ARB2A: variants seen among roughly 807,000 people sequenced by gnomAD.
The protein encoded by ARB2A is ARB2 cotranscriptional regulator A.
chr5:93,906,290 T>A, the ARB2A span, among the ~76,000 whole-genome samples: 1 of 151,676 alleles, frequency 6.6e-6, no homozygotes, highest in South Asian at 2.1e-4. Flanking sequence ...AGTGATTTTT[T>A]TTTAATTGCC....
At chr5:93,751,796 G>A in the ARB2A span, among the ~76,000 whole-genome samples, 1 of 152,172 alleles carries the variant, frequency 6.6e-6, no homozygotes, top group Non-Finnish European at 1.5e-5. Context: ...TTTATTACTG[G>A]TGACTTGCTG....
At chr5:93,737,541 T>C in the ARB2A span, 4 of 156,728 alleles carry the variant, frequency 2.6e-5, no homozygotes, top group African/African-American at 9.6e-5. Flanking sequence ...TATATATATA[T>C]ATGGAAGAAC....
At chr5:93,876,636 T>G in the ARB2A span, among the ~76,000 whole-genome samples, 1 of 151,806 alleles carries the variant, frequency 6.6e-6, no homozygotes, top group African/African-American at 2.4e-5. Context: ...GAAAGGAGAC[T>G]GGCTATTTAC....
the ARB2A span, among the ~76,000 whole-genome samples, chr5:93,926,734 TA>T: frequency 1.3e-5 from 2 of 152,156 alleles, no homozygotes; most frequent in South Asian, 4.1e-4. Context: ...ATGAGGACGT[TA>T]ATACCATGTG....
the ARB2A span, among the ~76,000 whole-genome samples, chr5:94,082,732 C>A: frequency 6.6e-6 from 1 of 151,430 alleles, no homozygotes; most frequent in Non-Finnish European, 1.5e-5. Flanking sequence ...TTTCCCAATT[C>A]TTTATGAAGT....
the ARB2A span, chr5:93,620,832 A>T: frequency 1.0e-6 from 1 of 985,188 alleles, no homozygotes; most frequent in Non-Finnish European, 1.4e-6. Context: ...CTCATCTAGA[A>T]ATAATGCAAA....
the ARB2A span, among the ~76,000 whole-genome samples, chr5:94,042,250 C>T: frequency 6.7e-6 from 1 of 148,760 alleles, no homozygotes; most frequent in Non-Finnish European, 1.5e-5. Context: ...GTAAACTGAA[C>T]ATTAGAATAA....
the ARB2A span, among the ~76,000 whole-genome samples, chr5:93,769,515 T>C: frequency 2.0e-5 from 3 of 152,180 alleles, no homozygotes; most frequent in Non-Finnish European, 4.4e-5. Flanking sequence ...ACATTTTTTA[T>C]GGACTCTGAG....
chr5:93,659,818 C>G, the ARB2A span, among the ~76,000 whole-genome samples: 3 of 152,136 alleles, frequency 2.0e-5, no homozygotes, highest in Non-Finnish European at 4.4e-5. Flanking sequence ...ATAAACACGT[C>G]TATCCACTCA....
chr5:94,065,273 G>C, the ARB2A span, among the ~76,000 whole-genome samples: 246 of 152,266 alleles, frequency 1.6e-3, no homozygotes, highest in African/African-American at 5.2e-3. Flanking sequence ...CAGCACTTTG[G>C]GGGGCTGAGG....
At chr5:93,634,742 T>A in the ARB2A span, among the ~76,000 whole-genome samples, 2 of 152,172 alleles carry the variant, frequency 1.3e-5, no homozygotes, top group Non-Finnish European at 2.9e-5. Context: ...TGGAAATATA[T>A]CAAATATAAA....
the ARB2A span, among the ~76,000 whole-genome samples, chr5:93,874,251 CAT>C: frequency 1.3e-5 from 2 of 152,136 alleles, no homozygotes. Flanking sequence ...GCTCATGAGT[CAT>C]AGAGTGTCTT....
chr5:93,916,918 T>C, the ARB2A span, among the ~76,000 whole-genome samples: 1 of 152,034 alleles, frequency 6.6e-6, no homozygotes, highest in South Asian at 2.1e-4. Flanking sequence ...AAGAAAAGTA[T>C]AAAGAGGAAA....
At chr5:93,843,711 A>G in the ARB2A span, among the ~76,000 whole-genome samples, 2 of 152,176 alleles carry the variant, frequency 1.3e-5, no homozygotes, top group East Asian at 1.9e-4. Flanking sequence ...AATTAAAAGC[A>G]AAACAGCAGA....
the ARB2A span, among the ~76,000 whole-genome samples, chr5:93,939,425 C>A: frequency 6.6e-6 from 1 of 152,018 alleles, no homozygotes; most frequent in Non-Finnish European, 1.5e-5. Flanking sequence ...TATTTCTAAA[C>A]TAAGTTTTCA....
At chr5:93,663,516 A>G in the ARB2A span, among the ~76,000 whole-genome samples, 8 of 152,190 alleles carry the variant, frequency 5.3e-5, no homozygotes, top group Admixed American at 2.6e-4. Context: ...TGTGAGATAG[A>G]TGGGTAGGCT....
chr5:93,724,840 A>G, the ARB2A span, among the ~76,000 whole-genome samples: 2 of 152,072 alleles, frequency 1.3e-5, no homozygotes, highest in African/African-American at 2.4e-5. Flanking sequence ...AATTATCACA[A>G]TATGCCATCA....
At chr5:94,058,582 A>C in the ARB2A span, among the ~76,000 whole-genome samples, 2 of 152,248 alleles carry the variant, frequency 1.3e-5, no homozygotes, top group Non-Finnish European at 2.9e-5. Flanking sequence ...AGACTGTTAA[A>C]AATTCACAGC....
chr5:93,885,607 G>A, the ARB2A span, among the ~76,000 whole-genome samples: 1 of 151,544 alleles, frequency 6.6e-6, no homozygotes, highest in Non-Finnish European at 1.5e-5. Context: ...ATTAACTCAT[G>A]TTTGATCACA....
Sources: allele counts gnomAD v4.1 joint callset (sites outside exome capture counted in the v4.1 genomes callset), GRCh38; gene constraint gnomAD v4.1.1; transcripts MANE v1.5; gene names NCBI Gene and HGNC (gene_info 2026-07-23, HGNC 2026-07-21).